Variants in SYT7 observed in about 807,000 individuals in gnomAD.
The protein encoded by SYT7 is synaptotagmin-7.
A neutral mutation model predicts 75.1 loss-of-function variants in SYT7; 29 were observed. The observed-to-expected ratio is 0.39, with a 90% CI of 0.29 to 0.53. SYT7 has a LOEUF of 0.53. Ranked by LOEUF, SYT7 falls within the 20% of genes least tolerant of loss-of-function variation. The pLI is 0.77. For synonymous variants in SYT7, 376 were observed against 401.7 expected (o/e 0.94, Z 0.76); for missense variants, 693 against 953.2 (o/e 0.73, Z 3.59).
chr11:61,540,751 G>A (rs1165224364), intron 6 of SYT7: 2 of 985,386 alleles, frequency 2.0e-6, no homozygotes, highest in East Asian at 1.1e-4. Context: ...AGGTGGGGAG[G>A]AGCAAGGACG....
chr11:61,540,678 C>A, intron 6 of SYT7: 1 of 985,478 alleles, frequency 1.0e-6, no homozygotes, highest in African/African-American at 1.7e-5. Flanking sequence ...CTGGCAGGCC[C>A]CTGGCCCAGT....
chr11:61,531,025 A>C, intron 8 of SYT7: 1 of 985,422 alleles, frequency 1.0e-6, no homozygotes, highest in African/African-American at 1.7e-5. Context: ...TCTGCCCCTC[A>C]GCTCCTTCTT....
intron 1 of SYT7, among the ~76,000 whole-genome samples, chr11:61,567,863 C>T (rs1392265540): frequency 1.3e-5 from 2 of 152,246 alleles, no homozygotes; most frequent in Admixed American, 6.5e-5. Context: ...CGTTGCCCGA[C>T]ACCCGCACAC....
intron 7 of SYT7, chr11:61,533,405 C>T (rs1453103883): frequency 3.5e-5 from 34 of 985,274 alleles, no homozygotes; most frequent in African/African-American, 5.2e-5. Flanking sequence ...TCCCCAGAAA[C>T]CCCCCACCCT....
chr11:61,519,061 T>C (rs2062228432), intron 12 of SYT7, among the ~76,000 whole-genome samples: 1 of 152,220 alleles, frequency 6.6e-6, no homozygotes, highest in Non-Finnish European at 1.5e-5. Context: ...TGTTGGGTGA[T>C]GTCCAGCCCC....
In SYT7 at chr11:61,534,424, CAT is replaced by C. The variant is rs1193763150; in HGVS notation, c.1065-1302_1065-1301del. Among the ~76,000 whole-genome samples the C allele has an allele frequency of 2.3e-4, 28 of 120,690 alleles. No individual in the cohort carries two copies. In the South Asian group the frequency reaches 4.9e-3, roughly 21 times the overall value. 79.2% of individuals were successfully genotyped at this position (120,690 alleles called of 152,430 possible). On this transcript the variant is annotated intron_variant, in intron 7 of 12. Coordinates refer to ENST00000539008, the MANE Select transcript of SYT7 (RefSeq NM_001365809.2). ...ATGTACACACGCACGCACACATGCGCATACACACACGCACACGCACGCACACA... is the reference window on the plus strand; with the variant it reads ...ATGTACACACGCACGCACACATGCGCACACACACGCACACGCACGCACACA...
At chr11:61,565,235 G>A (rs952005043) in intron 1 of SYT7, among the ~76,000 whole-genome samples, 17 of 152,164 alleles carry the variant, frequency 1.1e-4, no homozygotes, top group African/African-American at 3.6e-4. Flanking sequence ...CCCTCCATGC[G>A]CATGCTGAGC....
chr11:61,565,115 C>T (rs1313091384), intron 1 of SYT7, among the ~76,000 whole-genome samples: 1 of 152,176 alleles, frequency 6.6e-6, no homozygotes, highest in Non-Finnish European at 1.5e-5. Context: ...CCTGATTCTG[C>T]AATACACGTC....
chr11:61,521,105 T>C (rs952185187), intron 12 of SYT7, among the ~76,000 whole-genome samples: 1 of 152,194 alleles, frequency 6.6e-6, no homozygotes, highest in African/African-American at 2.4e-5. Context: ...CCTGCCCTGC[T>C]CTGGGATTGC....
chr11:61,538,324 G>A lies in SYT7; in HGVS notation c.942-58C>T, dbSNP rs990603874. 2.0e-6 allele frequency: 3 copies of A among 1,464,148 alleles called. No individual in the cohort carries two copies. In the South Asian group the frequency reaches 3.7e-5, roughly 18 times the overall value. 90.7% of individuals were successfully genotyped at this position (1,464,148 alleles called of 1,614,324 possible). A position where few individuals can be genotyped will look rare whatever the true frequency, so the allele number is the denominator to read the frequency against. Reference sequence around the variant, plus strand: ...GAAACGAGGAGGCCCCGTGGGCGGGGGCAGGGGGGAAGGAGAGAGAGGGAG... The same window carrying A: ...GAAACGAGGAGGCCCCGTGGGCGGGAGCAGGGGGGAAGGAGAGAGAGGGAG... On this transcript the variant is annotated intron_variant, in intron 6 of 12. Transcript: ENST00000539008.
At chr11:61,535,781 G>A (rs893229867) in intron 7 of SYT7, among the ~76,000 whole-genome samples, 5 of 152,198 alleles carry the variant, frequency 3.3e-5, no homozygotes, top group East Asian at 3.9e-4. Flanking sequence ...TGTCCTCCCC[G>A]GTGACAGCCA....
chr11:61,558,646 G>A (rs1287266689), intron 1 of SYT7, among the ~76,000 whole-genome samples: 2 of 152,074 alleles, frequency 1.3e-5, no homozygotes, highest in East Asian at 3.8e-4. Flanking sequence ...CTCCTAGCAC[G>A]CTAGGTGCCC....
Position 61,576,660 on chromosome 11 carries a change from G to A in SYT7, c.31+4130C>T, listed in dbSNP as rs189442125. On this transcript the variant is annotated intron_variant, in intron 1 of 12. Transcript: ENST00000539008. The surrounding 1 kb of genome is among the most constrained non-coding windows in gnomAD (Gnocchi z 4.1). The stretch of plus-strand genomic sequence containing the variant: ...GGAACCAGTTATTGAAAACGAAAAC[G>A]GTCCATCAGATTCAATAAGGATTCA... Among the ~76,000 whole-genome samples the A allele has an allele frequency of 1.1e-4, 16 of 151,298 alleles. No individual in the cohort carries two copies. In the East Asian group the frequency reaches 2.6e-3, roughly 24 times the overall value.
rs34301756 is a variant in SYT7 at position 61,558,505 on chromosome 11, T to TACACAC, written c.32-2304_32-2299dup. The stretch of plus-strand genomic sequence containing the variant: ...ATATATACACACACACACACACACA[T>TACACAC]ACACACACACACACACACACACACA... On this transcript the variant is annotated intron_variant, in intron 1 of 12. Transcript: ENST00000539008. 7.1e-3 allele frequency among the ~76,000 whole-genome samples: 959 copies of TACACAC among 134,606 alleles called. 5 individuals are homozygous for TACACAC. The highest frequency in any genetic ancestry group is 0.012 in the African/African-American group (436 of 35,962). 88.3% of individuals were successfully genotyped at this position (134,606 alleles called of 152,430 possible).
At chr11:61,543,035 A>G (rs1423953658) in intron 5 of SYT7, among the ~76,000 whole-genome samples, 3 of 152,206 alleles carry the variant, frequency 2.0e-5, no homozygotes, top group African/African-American at 7.2e-5. Context: ...CTGTGTTCTA[A>G]GTACTGGCAT....
chr11:61,572,401 CG>C lies in SYT7; in HGVS notation c.31+8388del, dbSNP rs2063947337. Reference sequence around the variant, plus strand: ...ACTCGTAGTGCTCCCTTCTGAGAGACGGGCTGAGAGACGGGCTGGCTTAGAG... The same window carrying C: ...ACTCGTAGTGCTCCCTTCTGAGAGACGGCTGAGAGACGGGCTGGCTTAGAG... On this transcript the variant is annotated intron_variant, in intron 1 of 12. Coordinates refer to ENST00000539008, the MANE Select transcript of SYT7 (RefSeq NM_001365809.2). Among the ~76,000 whole-genome samples the C allele has an allele frequency of 2.0e-5, 3 of 152,172 alleles. No homozygotes were observed. The South Asian group carries it at 6.2e-4, about 32-fold the overall frequency.
At chr11:61,529,096 G>A (rs2062623519) in intron 8 of SYT7, among the ~76,000 whole-genome samples, 3 of 152,168 alleles carry the variant, frequency 2.0e-5, no homozygotes, top group Middle Eastern at 3.4e-3. Context: ...AGCCGCCTGA[G>A]CCCCAGACCA....
intron 1 of SYT7, among the ~76,000 whole-genome samples, chr11:61,559,355 C>T (rs1411398424): frequency 2.0e-5 from 3 of 152,098 alleles, no homozygotes; most frequent in African/African-American, 7.2e-5. Context: ...AAGTGTCAGG[C>T]ACATGGCGTG....
chr11:61,514,340 C>G lies in SYT7; in HGVS notation c.*4287G>C, dbSNP rs913529728. The stretch of plus-strand genomic sequence containing the variant: ...CAGAGATCAGAAGTGATATCTAAAC[C>G]AGGTTGTGGGAAATGAGGGACAGAC... On this transcript the variant is annotated 3_prime_UTR_variant, in exon 13 of 13. Transcript: ENST00000539008. Among the ~76,000 whole-genome samples, 1 of 152,300 alleles carries G rather than the reference C, an allele frequency of 6.6e-6. No individual in the cohort carries two copies. The highest frequency in any genetic ancestry group is 2.4e-5 in the African/African-American group (1 of 41,568).
Sources: allele counts gnomAD v4.1 joint callset (sites outside exome capture counted in the v4.1 genomes callset), GRCh38; gene constraint gnomAD v4.1.1; non-coding constraint Gnocchi (gnomAD v3.1); transcripts MANE v1.5; gene names NCBI Gene and HGNC (gene_info 2026-07-23, HGNC 2026-07-21).